TSPAN18: variants seen among roughly 807,000 people sequenced by gnomAD.
TSPAN18 encodes tetraspanin 18, also known as tetraspanin-18.
A neutral mutation model predicts 27.3 loss-of-function variants in TSPAN18; 14 were observed. The ratio of observed to expected loss-of-function variants is 0.51; its 90% CI spans 0.34 to 0.80. TSPAN18 has a LOEUF of 0.80. Among genes scored for constraint, TSPAN18 ranks in the 30% least tolerant of loss-of-function variants. The pLI is 0.01. For synonymous variants in TSPAN18, 143 were observed against 136.5 expected (o/e 1.05, Z -0.33); for missense variants, 268 against 323.9 (o/e 0.83, Z 1.32).
intron 1 of TSPAN18, among the ~76,000 whole-genome samples, chr11:44,747,697 C>T (rs1458037506): frequency 6.6e-6 from 1 of 152,050 alleles, no homozygotes; most frequent in Non-Finnish European, 1.5e-5. Context: ...TCCCCCCTCC[C>T]GTCTCTCTCT....
At chr11:44,921,684 A>G (rs574879604) in intron 8 of TSPAN18, among the ~76,000 whole-genome samples, 19 of 152,294 alleles carry the variant, frequency 1.2e-4, no homozygotes, top group African/African-American at 4.3e-4. Flanking sequence ...CGGCCACCAT[A>G]GCGTGGGGTT....
At chr11:44,864,063 C>T (rs961269346) in intron 3 of TSPAN18, among the ~76,000 whole-genome samples, 6 of 151,738 alleles carry the variant, frequency 4.0e-5, no homozygotes, top group Admixed American at 6.6e-5. Context: ...CTGAGGCGGG[C>T]GGATCTCAAG....
rs60006381 is a variant in TSPAN18 at position 44,813,915 on chromosome 11, G to A, written c.-152-46413G>A. Among the ~76,000 whole-genome samples the A allele has an allele frequency of 6.2e-3, 945 of 152,296 alleles. 9 individuals are homozygous for A. The highest frequency in any genetic ancestry group is 0.022 in the African/African-American group (904 of 41,550). ...GCCTGCATAATGCAGGGGCCAAGAT[G>A]TAAAAATAAAAATCAAGGGTGCAGA... On this transcript the variant is annotated intron_variant, in intron 2 of 9. Coordinates refer to ENST00000520358, the MANE Select transcript of TSPAN18 (RefSeq NM_130783.5).
intron 2 of TSPAN18, among the ~76,000 whole-genome samples, chr11:44,829,991 A>G (rs1857122514): frequency 1.3e-5 from 2 of 152,210 alleles, no homozygotes; most frequent in South Asian, 4.1e-4. Context: ...TGCACTGAGA[A>G]TAAAATTCCC....
chr11:44,888,387 C>T (rs1361930216), intron 3 of TSPAN18, among the ~76,000 whole-genome samples: 2 of 152,152 alleles, frequency 1.3e-5, no homozygotes, highest in African/African-American at 2.4e-5. Context: ...GTTCCTGGCA[C>T]ACGTGAAGCA....
chr11:44,909,626 CAG>C (rs1048053376), intron 4 of TSPAN18, 77 bp from the exon 5 acceptor site: 170 of 1,474,764 alleles, frequency 1.2e-4, no homozygotes, highest in Admixed American at 2.0e-4. Flanking sequence ...GGGGCTGGCT[CAG>C]GGGAGTGGTG....
intron 2 of TSPAN18, among the ~76,000 whole-genome samples, chr11:44,770,566 G>T (rs1008043762): frequency 6.6e-6 from 1 of 152,166 alleles, no homozygotes; most frequent in African/African-American, 2.4e-5. Context: ...GCTAGCTAGG[G>T]TGAAGACTTT....
rs115211861 is a variant in TSPAN18, at chr11:44,839,211, A to G, written c.-152-21117A>G. On this transcript the variant is annotated intron_variant, in intron 2 of 9. Coordinates refer to ENST00000520358, the MANE Select transcript of TSPAN18 (RefSeq NM_130783.5). ...CTCTGAACATTTTGGTGGACATGCA[A>G]ATACGTTTCTGTTCATTTCACCTTG... Among the ~76,000 whole-genome samples, 864 of 152,306 alleles carry G rather than the reference A, an allele frequency of 5.7e-3. 9 individuals are homozygous for G. The highest frequency in any genetic ancestry group is 0.02 in the African/African-American group (836 of 41,568).
chr11:44,894,219 G>A (rs2135290564), intron 3 of TSPAN18, among the ~76,000 whole-genome samples: 1 of 152,340 alleles, frequency 6.6e-6, no homozygotes, highest in African/African-American at 2.4e-5. Context: ...CGGAGGTGAG[G>A]CTCTGGAGGT....
At chr11:44,753,899 C>T (rs909505263) in intron 1 of TSPAN18, among the ~76,000 whole-genome samples, 1 of 152,174 alleles carries the variant, frequency 6.6e-6, no homozygotes, top group Non-Finnish European at 1.5e-5. Context: ...TGTATTTGGA[C>T]GCAACACACT....
intron 2 of TSPAN18, among the ~76,000 whole-genome samples, chr11:44,772,069 G>C (rs536770610): frequency 6.6e-6 from 1 of 152,320 alleles, no homozygotes; most frequent in African/African-American, 2.4e-5. Context: ...GACTGGTGAA[G>C]TTTCCTCTTA....
chr11:44,863,910 G>A (rs1242443189), intron 3 of TSPAN18, among the ~76,000 whole-genome samples: 1 of 152,130 alleles, frequency 6.6e-6, no homozygotes, highest in Non-Finnish European at 1.5e-5. Context: ...ATTTGGTGTT[G>A]TTATTATTTA....
intron 2 of TSPAN18, among the ~76,000 whole-genome samples, chr11:44,822,541 C>T (rs771451617): frequency 7.9e-5 from 12 of 151,396 alleles, no homozygotes; most frequent in Non-Finnish European, 1.5e-4. Flanking sequence ...GTGACTTGGG[C>T]GTCACTTCCA....
At chr11:44,752,562 CAGTTTG>C (rs1262659505) in intron 1 of TSPAN18, among the ~76,000 whole-genome samples, 1 of 35,686 alleles carries the variant, frequency 2.8e-5, no homozygotes, top group East Asian at 2.2e-3. Context: ...ATTTCTTTGA[CAGTTTG>C]TGTGTGTGTG....
intron 8 of TSPAN18, 132 bp downstream of exon 8, chr11:44,920,131 A>G (rs1860071741): frequency 1.1e-6 from 1 of 921,820 alleles, no homozygotes; most frequent in Non-Finnish European, 1.6e-6. Flanking sequence ...TGGCCATGAT[A>G]TGGGATGCCT....
At chr11:44,903,047 G>T (rs1473009336) in intron 3 of TSPAN18, among the ~76,000 whole-genome samples, 1 of 152,108 alleles carries the variant, frequency 6.6e-6, no homozygotes, top group Non-Finnish European at 1.5e-5. Context: ...TCCCAGGAGG[G>T]CACAGCCACG....
chr11:44,796,653 G>T (rs1856357133), intron 2 of TSPAN18, among the ~76,000 whole-genome samples: 1 of 152,090 alleles, frequency 6.6e-6, no homozygotes, highest in African/African-American at 2.4e-5. Context: ...ATGTACTAGG[G>T]AACTAATGAC....
At chr11:44,886,030 C>T (rs1222585048) in intron 3 of TSPAN18, 2 of 152,456 alleles carry the variant, frequency 1.3e-5, no homozygotes, top group Non-Finnish European at 2.9e-5. Flanking sequence ...TGGGGGAAGC[C>T]TGCCTTGGAG....
intron 2 of TSPAN18, among the ~76,000 whole-genome samples, chr11:44,840,089 G>C (rs1857341817): frequency 6.6e-6 from 1 of 152,194 alleles, no homozygotes; most frequent in Non-Finnish European, 1.5e-5. Context: ...TGCTGCCTCG[G>C]CCAAGTCCTC....
Sources: gnomAD v4.1 joint callset for allele counts (sites outside exome capture counted in the v4.1 genomes callset) on GRCh38, gnomAD v4.1.1 for gene constraint, MANE v1.5 for transcripts, NCBI Gene and HGNC (gene_info 2026-07-23, HGNC 2026-07-21) for gene names.